The following CADPS2 variants were observed in gnomAD, a reference collection of about 807,000 sequenced individuals.
CADPS2 encodes calcium dependent secretion activator 2.
CADPS2 carries 93 observed loss-of-function variants against 172.5 expected under a neutral mutation model. That is an observed-to-expected ratio of 0.54 (90% CI 0.46 to 0.64). The LOEUF (loss-of-function observed/expected upper bound fraction) is 0.64. Ranked by LOEUF, CADPS2 falls within the 30% of genes least tolerant of loss-of-function variation. The pLI is 0.00. For synonymous variants in CADPS2, 546 were observed against 555.2 expected (o/e 0.98, Z 0.23); for missense variants, 1,420 against 1,565.9 (o/e 0.91, Z 1.57).
intron 1 of CADPS2, among the ~76,000 whole-genome samples, chr7:122,867,751 TG>T (rs1057097856): frequency 6.6e-6 from 1 of 152,190 alleles, no homozygotes; most frequent in African/African-American, 2.4e-5. Flanking sequence ...GCACTCCCTT[TG>T]CCCCAGGGAC....
At chr7:122,680,798 T>C (rs541089943) in intron 2 of CADPS2, among the ~76,000 whole-genome samples, 1 of 152,286 alleles carries the variant, frequency 6.6e-6, no homozygotes, top group African/African-American at 2.4e-5. Context: ...CAAAGGACTA[T>C]AAATCATGCT....
chr7:122,413,613 C>A (rs2047559532), intron 19 of CADPS2, among the ~76,000 whole-genome samples: 1 of 152,134 alleles, frequency 6.6e-6, no homozygotes, highest in African/African-American at 2.4e-5. Context: ...GGGAGCTGAG[C>A]CAGGTGCTCT....
At position 122,814,185 on chromosome 7, in the gene CADPS2, GA is replaced by G. The variant is rs148266415; in HGVS notation, c.339+71813del. 1.7e-3 allele frequency among the ~76,000 whole-genome samples: 244 copies of G among 146,066 alleles called. 3 individuals carry two copies. In the South Asian group the frequency reaches 0.027, roughly 16 times the overall value. The stretch of plus-strand genomic sequence containing the variant: ...GATAACATGGTAAGAATTTGGAAGG[GA>G]AAAAAAAAAATCAAGCAGAGGTTTT... On this transcript the variant is annotated intron_variant, in intron 1 of 29. Transcript: ENST00000449022.
chr7:122,435,573 A>C (rs1330792095), intron 17 of CADPS2, among the ~76,000 whole-genome samples: 1 of 152,152 alleles, frequency 6.6e-6, no homozygotes, highest in Non-Finnish European at 1.5e-5. Flanking sequence ...CTATTGGTAG[A>C]AATGTAATTA....
At chr7:122,596,372 T>A (rs1054531784) in intron 6 of CADPS2, among the ~76,000 whole-genome samples, 1 of 152,116 alleles carries the variant, frequency 6.6e-6, no homozygotes, top group African/African-American at 2.4e-5. Flanking sequence ...ATTTAAATAA[T>A]GACACTTTGT....
intron 3 of CADPS2, among the ~76,000 whole-genome samples, chr7:122,635,571 T>C (rs1311921767): frequency 6.6e-6 from 1 of 152,150 alleles, no homozygotes; most frequent in Non-Finnish European, 1.5e-5. Context: ...AGAATGATGA[T>C]TTCCATTTTC....
Position 122,554,457 on chromosome 7 carries a change from C to T in CADPS2, c.1475+93G>A, listed in dbSNP as rs574080776. The T allele has an allele frequency of 2.0e-5, 24 of 1,226,550 alleles. No individual in the cohort carries two copies. The African/African-American group carries it at 3.5e-4, about 18-fold the overall frequency. 76.0% of individuals were successfully genotyped at this position (1,226,550 alleles called of 1,614,324 possible). A position where few individuals can be genotyped will look rare whatever the true frequency, so the allele number is the denominator to read the frequency against. ...TTTTGAGAAAACTCCATGTGAAAGC[C>T]TGCTATACTGGTTCTCTCACTAAAC... On this transcript the variant is annotated intron_variant, in intron 8 of 29. Transcript: ENST00000449022.
At chr7:122,564,969 A>G (rs1373134076) in intron 7 of CADPS2, among the ~76,000 whole-genome samples, 1 of 152,092 alleles carries the variant, frequency 6.6e-6, no homozygotes, top group East Asian at 1.9e-4. Context: ...GAAATAATTC[A>G]GAAACAGAAA....
intron 7 of CADPS2, among the ~76,000 whole-genome samples, chr7:122,568,275 G>A (rs942857252): frequency 1.3e-5 from 2 of 151,916 alleles, no homozygotes; most frequent in Non-Finnish European, 2.9e-5. Flanking sequence ...CAAAAAGAAA[G>A]CTGAGGCAGC....
At chr7:122,839,855 T>C in intron 1 of CADPS2, among the ~76,000 whole-genome samples, 1 of 152,162 alleles carries the variant, frequency 6.6e-6, no homozygotes, top group Admixed American at 6.6e-5. Context: ...GTTCAACCAT[T>C]GTGGAAGACA....
At position 122,798,238 on chromosome 7, in the gene CADPS2, A is replaced by AT. The variant is rs1796830655; in HGVS notation, c.340-61171_340-61170insA. On this transcript the variant is annotated intron_variant, in intron 1 of 29. Transcript: ENST00000449022. ...AGGAAAAGGTGCTGTGATCGTCCCT[A>AT]AACACATCCTCCTCCTTGACCCAAA... Among the ~76,000 whole-genome samples, 3 of 152,132 alleles carry AT rather than the reference A, an allele frequency of 2.0e-5. No individual in the cohort carries two copies. The South Asian group carries it at 6.2e-4, about 32-fold the overall frequency.
At chr7:122,335,660 C>T (rs934409029) in intron 28 of CADPS2, among the ~76,000 whole-genome samples, 8 of 152,168 alleles carry the variant, frequency 5.3e-5, no homozygotes, top group Non-Finnish European at 8.8e-5. Flanking sequence ...TGTTCAGCCA[C>T]GTTCAAATAC....
At chr7:122,324,456 C>G (rs1563066964) in intron 29 of CADPS2, among the ~76,000 whole-genome samples, 1 of 152,110 alleles carries the variant, frequency 6.6e-6, no homozygotes, top group Non-Finnish European at 1.5e-5. Flanking sequence ...ATCTGGAGGA[C>G]TTGTTAATCT....
At chr7:122,777,307 C>T (rs983997052) in intron 1 of CADPS2, among the ~76,000 whole-genome samples, 10 of 152,304 alleles carry the variant, frequency 6.6e-5, no homozygotes, top group Admixed American at 6.5e-4. Flanking sequence ...ATTGCTGCCA[C>T]CAAATCCTTA....
At chr7:122,624,599 T>C (rs868008520) in intron 4 of CADPS2, among the ~76,000 whole-genome samples, 8 of 152,226 alleles carry the variant, frequency 5.3e-5, no homozygotes, top group African/African-American at 1.9e-4. Context: ...AGTGTTTAAA[T>C]GTTTTTGCTA....
At chr7:122,542,906 C>T (rs990829782) in intron 8 of CADPS2, among the ~76,000 whole-genome samples, 3 of 152,030 alleles carry the variant, frequency 2.0e-5, no homozygotes, top group Admixed American at 6.6e-5. Flanking sequence ...CCACTACCAA[C>T]AAAGACAGTA....
chr7:122,790,692 G>GTCA (rs746620557), intron 1 of CADPS2, among the ~76,000 whole-genome samples: 1 of 152,100 alleles, frequency 6.6e-6, no homozygotes, highest in Non-Finnish European at 1.5e-5. Flanking sequence ...CATAGCCTCA[G>GTCA]TCATTCTTCA....
intron 17 of CADPS2, among the ~76,000 whole-genome samples, chr7:122,431,371 T>C (rs1342650258): frequency 6.6e-6 from 1 of 151,966 alleles, no homozygotes; most frequent in Non-Finnish European, 1.5e-5. Context: ...GCACTATACA[T>C]TGTGTTGGAT....
In CADPS2 at chr7:122,474,490, A is replaced by G. The variant is rs199713510; in HGVS notation, c.1889T>C (p.Met630Thr). The change falls in exon 13 of 30, where the codon ATG becomes ACG. Residue 630 changes from methionine (M) to threonine (T), a missense_variant. Transcript: ENST00000449022. ...GGGGTTTGCAGAAATAAACTCATCC[A>G]TACCATGTTTCTGAAAACGATCTGC... ...KDADRFQKHGMDEFISANPCK... is the reference protein window; with the variant it reads ...KDADRFQKHGTDEFISANPCK... 1,420 of 1,613,222 alleles carry G rather than the reference A, an allele frequency of 8.8e-4. 3 individuals carry two copies. Among genetic ancestry groups the G allele is most frequent in the Middle Eastern group, 5.1e-3 (31 of 6,056 alleles).
Sources: gnomAD v4.1 joint callset for allele counts (sites outside exome capture counted in the v4.1 genomes callset) on GRCh38, gnomAD v4.1.1 for gene constraint, MANE v1.5 for transcripts, NCBI Gene and HGNC (gene_info 2026-07-23, HGNC 2026-07-21) for gene names.